Variants in SLC24A2 observed in about 807,000 individuals in gnomAD.
The protein encoded by SLC24A2 is solute carrier family 24 member 2.
SLC24A2 carries 36 observed loss-of-function variants against 62.0 expected under a neutral mutation model. The observed-to-expected ratio is 0.58, with a 90% confidence interval of 0.44 to 0.77. The LOEUF is 0.77. SLC24A2 is among the 30% of genes least tolerant of loss of function. The probability of loss-of-function intolerance (pLI) is 0.00; values close to 1 mark genes in which losing one functional copy is unlikely to be tolerated. For missense variants in SLC24A2, 846 were observed against 817.9 expected (o/e 1.03, Z -0.42); for synonymous variants, 358 against 294.0 (o/e 1.22, Z -2.23).
At chr9:20,126,076 GT>G in the SLC24A2 span, among the ~76,000 whole-genome samples, 1 of 151,938 alleles carries the variant, frequency 6.6e-6, no homozygotes, top group African/African-American at 2.4e-5. Flanking sequence ...TTACAAAGGT[GT>G]TTTTTTTGTG....
chr9:19,835,233 C>T, the SLC24A2 span, among the ~76,000 whole-genome samples: 1 of 152,102 alleles, frequency 6.6e-6, no homozygotes, highest in East Asian at 1.9e-4. Context: ...CAATACTAAC[C>T]TTAAATGTAA....
chr9:19,864,180 G>A, the SLC24A2 span, among the ~76,000 whole-genome samples: 3 of 151,884 alleles, frequency 2.0e-5, no homozygotes, highest in Non-Finnish European at 4.4e-5. Flanking sequence ...TGAGATTGAA[G>A]CCATGATAAA....
At chr9:20,030,429 G>T in the SLC24A2 span, among the ~76,000 whole-genome samples, 1 of 152,178 alleles carries the variant, frequency 6.6e-6, no homozygotes, top group Non-Finnish European at 1.5e-5. Context: ...ATGCAGAAAG[G>T]CAGTGTGAAA....
intron 2 of SLC24A2, among the ~76,000 whole-genome samples, chr9:19,729,005 A>G (rs1165172936): frequency 6.6e-6 from 1 of 152,220 alleles, no homozygotes; most frequent in Non-Finnish European, 1.5e-5. Context: ...TCTTTAGAAC[A>G]ATCTTAATGC....
At chr9:20,244,301 C>T in the SLC24A2 span, among the ~76,000 whole-genome samples, 2,456 of 152,160 alleles carry the variant, frequency 0.016, 71 homozygotes, top group African/African-American at 0.056. Flanking sequence ...TTAAGGAAAG[C>T]GAGAACAAGT....
the SLC24A2 span, among the ~76,000 whole-genome samples, chr9:20,087,851 G>A: frequency 6.6e-6 from 1 of 151,706 alleles, no homozygotes; most frequent in South Asian, 2.1e-4. Context: ...GAAAAGCAAG[G>A]CAGGACGACC....
At chr9:19,722,987 TC>T (rs1821072318) in intron 2 of SLC24A2, among the ~76,000 whole-genome samples, 1 of 152,138 alleles carries the variant, frequency 6.6e-6, no homozygotes, top group Non-Finnish European at 1.5e-5. Context: ...TGAAATTCTT[TC>T]TGCACTGCAA....
the SLC24A2 span, among the ~76,000 whole-genome samples, chr9:20,069,734 G>A: frequency 3.9e-5 from 6 of 152,048 alleles, no homozygotes; most frequent in Non-Finnish European, 7.4e-5. Context: ...TATGCTGTTC[G>A]CATTATTTTG....
At chr9:19,555,544 T>C (rs1017326687) in intron 7 of SLC24A2, among the ~76,000 whole-genome samples, 3 of 152,198 alleles carry the variant, frequency 2.0e-5, no homozygotes, top group Admixed American at 1.3e-4. Context: ...AGATGTATTT[T>C]TGTAAGTAGC....
At chr9:19,556,857 G>A (rs1275917889) in intron 7 of SLC24A2, among the ~76,000 whole-genome samples, 1 of 152,110 alleles carries the variant, frequency 6.6e-6, no homozygotes, top group Non-Finnish European at 1.5e-5. Context: ...TTGTCTCCTG[G>A]GATGTTTTAA....
At chr9:19,882,682 A>G in the SLC24A2 span, among the ~76,000 whole-genome samples, 3 of 149,232 alleles carry the variant, frequency 2.0e-5, no homozygotes, top group African/African-American at 7.4e-5. Context: ...AAAAAAAAAT[A>G]GAGAATAGGT....
At chr9:19,751,659 G>A (rs1379042887) in intron 2 of SLC24A2, among the ~76,000 whole-genome samples, 2 of 152,148 alleles carry the variant, frequency 1.3e-5, no homozygotes, top group Non-Finnish European at 2.9e-5. Flanking sequence ...CCATAGCTCT[G>A]CAGCCATGGC....
At chr9:19,889,574 T>C in the SLC24A2 span, among the ~76,000 whole-genome samples, 5 of 152,290 alleles carry the variant, frequency 3.3e-5, no homozygotes, top group African/African-American at 9.6e-5. Flanking sequence ...GGGGTCCCCA[T>C]TGCTGCTTCC....
chr9:20,149,334 C>A, the SLC24A2 span, among the ~76,000 whole-genome samples: 1 of 151,994 alleles, frequency 6.6e-6, no homozygotes, highest in Non-Finnish European at 1.5e-5. Context: ...AATGAGGAGA[C>A]TTTTTGTTTT....
At chr9:19,521,226 T>C (rs1389295777) in intron 9 of SLC24A2, among the ~76,000 whole-genome samples, 166 bp from the exon 10 acceptor site, 2 of 152,250 alleles carry the variant, frequency 1.3e-5, no homozygotes, top group Admixed American at 6.5e-5. Flanking sequence ...ATAGAGTTTA[T>C]GCTTTTAGGA....
chr9:19,591,151 C>T (rs1424692091), intron 5 of SLC24A2, among the ~76,000 whole-genome samples: 2 of 152,098 alleles, frequency 1.3e-5, no homozygotes, highest in Non-Finnish European at 2.9e-5. Flanking sequence ...TTTTAAATAA[C>T]ACGCATATTT....
chr9:19,680,555 C>T (rs980942157), intron 2 of SLC24A2, among the ~76,000 whole-genome samples: 1 of 151,668 alleles, frequency 6.6e-6, no homozygotes, highest in African/African-American at 2.4e-5. Context: ...AACAATAATG[C>T]TTTAACGCCA....
the SLC24A2 span, among the ~76,000 whole-genome samples, chr9:20,099,524 A>G: frequency 6.6e-6 from 1 of 152,152 alleles, no homozygotes; most frequent in Non-Finnish European, 1.5e-5. Flanking sequence ...CTTCCTTCAA[A>G]AACAATTTTT....
At chr9:20,127,220 A>C in the SLC24A2 span, among the ~76,000 whole-genome samples, 35 of 152,144 alleles carry the variant, frequency 2.3e-4, no homozygotes, top group African/African-American at 7.7e-4. Context: ...CCTTCATTCT[A>C]ATCCTCTCAA....
Sources: gnomAD v4.1 joint callset for allele counts (sites outside exome capture counted in the v4.1 genomes callset) on GRCh38, gnomAD v4.1.1 for gene constraint, MANE v1.5 for transcripts, NCBI Gene and HGNC (gene_info 2026-07-23, HGNC 2026-07-21) for gene names.